Variants in SYDE2 observed in about 807,000 individuals in gnomAD.
SYDE2 encodes rho GTPase-activating protein SYDE2.
Under a neutral mutation model 91.5 loss-of-function variants are expected in SYDE2, and 76 were observed. That is an observed-to-expected ratio of 0.83 (90% CI 0.69 to 1.01). SYDE2 has a LOEUF of 1.01. Ranked by LOEUF, SYDE2 falls within the 50% of genes least tolerant of loss-of-function variation. SYDE2 has a pLI of 0.00. For missense variants in SYDE2, 1,364 were observed against 1,367.7 expected, an observed-to-expected ratio of 1.00 and a Z score of 0.04; for synonymous variants, 513 against 506.4, an observed-to-expected ratio of 1.01 and a Z score of -0.18.
At chr1:85,176,732 G>A (rs1356931734) in intron 4 of SYDE2, among the ~76,000 whole-genome samples, 2 of 152,082 alleles carry the variant, frequency 1.3e-5, no homozygotes. Context: ...TAAATGAAAG[G>A]ATACGTCTGA....
At chr1:85,187,626 A>T (rs12057985) in intron 2 of SYDE2, among the ~76,000 whole-genome samples, 4,957 of 151,142 alleles carry the variant, frequency 0.033, 253 homozygotes, top group African/African-American at 0.11. Context: ...CAAATGTCCA[A>T]CAATGATAGA....
chr1:85,171,307 C>T (rs1350516823), intron 4 of SYDE2, among the ~76,000 whole-genome samples: 1 of 152,038 alleles, frequency 6.6e-6, no homozygotes, highest in East Asian at 1.9e-4. Flanking sequence ...CCCTGAAGAA[C>T]ATCAACTTTC....
Position 85,200,305 on chromosome 1 carries a change from A to C in SYDE2, c.692T>G (p.Val231Gly). 1 of 1,613,978 alleles carries C rather than the reference A, an allele frequency of 6.2e-7. No individual in the cohort carries two copies. The highest frequency in any genetic ancestry group is 8.5e-7 in the Non-Finnish European group (1 of 1,179,880). ...CACCGACAGGACACGGTTTTCACGC[A>C]CTTTCAAAGCGCCCACATTTGGGGA... is the stretch of plus-strand genomic sequence containing the variant. ...AASPNVGALK[V>G]RENRVLSVPP... Residue 231 changes from valine (V) to glycine (G), a missense_variant, in exon 1 of 7, where the codon GTG becomes GGG. Physicochemically the swap from Val to Gly is moderately radical, Grantham distance 109. Coordinates refer to ENST00000341460, the MANE Select transcript of SYDE2 (RefSeq NM_032184.2).
intron 2 of SYDE2, among the ~76,000 whole-genome samples, chr1:85,186,482 A>G: frequency 6.6e-6 from 1 of 152,162 alleles, no homozygotes; most frequent in East Asian, 1.9e-4. Context: ...TCAAGCTACC[A>G]ATGACTTTCT....
rs577872740 is a variant in SYDE2 at position 85,196,383 on chromosome 1, T to C, written c.745+3869A>G. Among the ~76,000 whole-genome samples, 23 of 152,294 alleles carry C rather than the reference T, an allele frequency of 1.5e-4. No individual in the cohort carries two copies. In the South Asian group the frequency reaches 2.7e-3, roughly 18 times the overall value. ...CAACAAAATTTCCAGGGAATTCATA[T>C]GGACATTAAGTTTGAAAAGCACTGC... On this transcript the variant is annotated intron_variant, in intron 1 of 6. Transcript: ENST00000341460.
intron 2 of SYDE2, 112 bp from the exon 3 acceptor site, chr1:85,183,312 C>A (rs1269964371): frequency 2.2e-6 from 2 of 926,380 alleles, no homozygotes; most frequent in Admixed American, 7.0e-5. Context: ...AAATTCTTCT[C>A]TTATTTCATC....
chr1:85,197,303 A>G (rs1170061804), intron 1 of SYDE2, among the ~76,000 whole-genome samples: 1 of 152,236 alleles, frequency 6.6e-6, no homozygotes, highest in South Asian at 2.1e-4. Context: ...AAATCAAAAT[A>G]GAAAATCATT....
chr1:85,161,598 C>T (rs547721957), intron 6 of SYDE2, among the ~76,000 whole-genome samples: 26 of 152,008 alleles, frequency 1.7e-4, no homozygotes, highest in Admixed American at 6.5e-4. Flanking sequence ...CAGTGGTACA[C>T]GCCTGTAATC....
downstream of SYDE2, chr1:85,152,624 G>A (rs1449688677): frequency 6.6e-6 from 1 of 152,108 alleles, no homozygotes; most frequent in Non-Finnish European, 1.5e-5. Flanking sequence ...GTTATTCATT[G>A]ATTAACAATT....
intron 3 of SYDE2, among the ~76,000 whole-genome samples, chr1:85,179,146 C>T (rs1657819805): frequency 6.6e-6 from 1 of 152,122 alleles, no homozygotes; most frequent in South Asian, 2.1e-4. Context: ...GATTGTCAGC[C>T]ATACTTCCAC....
At chr1:85,185,568 T>C (rs1207947531) in intron 2 of SYDE2, among the ~76,000 whole-genome samples, 1 of 152,192 alleles carries the variant, frequency 6.6e-6, no homozygotes, top group Admixed American at 6.5e-5. Flanking sequence ...TTGAGGCAAT[T>C]GTGAATGGGA....
intron 2 of SYDE2, 104 bp downstream of exon 2, chr1:85,189,947 CAAGAAA>C (rs1216644694): frequency 2.3e-6 from 2 of 883,186 alleles, no homozygotes; most frequent in African/African-American, 1.7e-5. Context: ...ATTCACTTCA[CAAGAAA>C]AAGTACATGA....
intron 3 of SYDE2, chr1:85,181,139 ATTTTTTTTTTTTTT>A (rs754597194): frequency 9.3e-5 from 6 of 64,308 alleles, no homozygotes; most frequent in Middle Eastern, 8.9e-3. Context: ...AAGCTACTCC[ATTTTTTTTTTTTTT>A]TTTTTTTTTT....
At position 85,169,066 on chromosome 1, in the gene SYDE2, T is replaced by C. The variant is rs1362460157; in HGVS notation, c.2831A>G (p.Asp944Gly). 2.5e-6 allele frequency: 4 copies of C among 1,613,854 alleles called. No homozygotes were observed. The highest frequency in any genetic ancestry group is 3.4e-6 in the Non-Finnish European group (4 of 1,179,798). ...TACCTTCTCAATCTCTGGCAGACAA[T>C]CCAGCAGGTCAACAGTGTACTTAGA... ...GDSKYTVDLL[D>G]CLPEIEKATL... is the part of the protein sequence containing the mutation. Residue 944 changes from aspartate (D) to glycine (G), a missense_variant, in exon 5 of 7, where the codon GAT becomes GGT. Physicochemically the swap from Asp to Gly is moderately conservative, Grantham distance 94. Transcript: ENST00000341460.
At chr1:85,183,272 C>T in intron 2 of SYDE2, 72 bp from the exon 3 acceptor site, 9 of 1,380,742 alleles carry the variant, frequency 6.5e-6, no homozygotes, top group Non-Finnish European at 8.7e-6. Context: ...TTTTATAAAC[C>T]ATCAACTAAA....
intron 1 of SYDE2, among the ~76,000 whole-genome samples, chr1:85,198,263 T>C (rs1297382001): frequency 6.6e-6 from 1 of 152,214 alleles, no homozygotes; most frequent in Non-Finnish European, 1.5e-5. Context: ...CTTTTTCTTG[T>C]AGCTGTTGTT....
chr1:85,170,230 A>C (rs1188560731), intron 4 of SYDE2, among the ~76,000 whole-genome samples: 1 of 151,040 alleles, frequency 6.6e-6, no homozygotes, highest in Non-Finnish European at 1.5e-5. Flanking sequence ...CCTCTTAAGC[A>C]GCTAGGACTA....
At chr1:85,172,545 T>A (rs1281312783) in intron 4 of SYDE2, among the ~76,000 whole-genome samples, 1 of 152,160 alleles carries the variant, frequency 6.6e-6, no homozygotes, top group African/African-American at 2.4e-5. Context: ...TTTACCTTCC[T>A]GCTTGCAACA....
intron 2 of SYDE2, among the ~76,000 whole-genome samples, chr1:85,187,372 G>T (rs1658184447): frequency 6.6e-6 from 1 of 152,080 alleles, no homozygotes; most frequent in Non-Finnish European, 1.5e-5. Flanking sequence ...AACAACAGGT[G>T]CTGGAGAGGA....
Sources: gnomAD v4.1 joint callset for allele counts (sites outside exome capture counted in the v4.1 genomes callset) on GRCh38, gnomAD v4.1.1 for gene constraint, MANE v1.5 for transcripts, NCBI Gene and HGNC (gene_info 2026-07-23, HGNC 2026-07-21) for gene names.